KIF1A: variants seen among roughly 807,000 people sequenced by gnomAD.
KIF1A encodes kinesin-like protein KIF1A.
Under a neutral mutation model 227.3 loss-of-function variants are expected in KIF1A, and 46 were observed. The ratio of observed to expected loss-of-function variants is 0.20; its 90% CI spans 0.16 to 0.26. The LOEUF (loss-of-function observed/expected upper bound fraction) is 0.26, where lower values mean the gene tolerates loss of function less well. Among genes scored for constraint, KIF1A ranks in the 10% least tolerant of loss-of-function variants. The probability of loss-of-function intolerance (pLI) is 1.00; values close to 1 mark genes in which losing one functional copy is unlikely to be tolerated. For synonymous variants in KIF1A, 1,022 were observed against 1,012.8 expected, an observed-to-expected ratio of 1.01 and a Z score of -0.17; for missense variants, 1,683 against 2,485.9, an observed-to-expected ratio of 0.68 and a Z score of 6.87.
At chr2:240,819,069 C>T (rs2058527468) in intron 1 of KIF1A, 1 of 152,120 alleles carries the variant, frequency 6.6e-6, no homozygotes, top group Admixed American at 6.5e-5. Flanking sequence ...CCCCCTCCCG[C>T]CCCTGCGGCC....
chr2:240,818,991 G>A (rs2058519983), intron 1 of KIF1A: 1 of 152,418 alleles, frequency 6.6e-6, no homozygotes, highest in African/African-American at 2.4e-5. Context: ...GCGCGCATCG[G>A]GTCCGCGCCG....
chr2:240,744,065 T>C lies in KIF1A; in HGVS notation c.3466-5A>G. 1 of 1,601,656 alleles carries C rather than the reference T, an allele frequency of 6.2e-7. No individual in the cohort carries two copies. Among genetic ancestry groups the C allele is most frequent in the Non-Finnish European group, 8.6e-7 (1 of 1,168,832 alleles). On this transcript the variant is annotated splice_region_variant and splice_polypyrimidine_tract_variant and intron_variant, in intron 32 of 48. Transcript: ENST00000498729. ...CTTGGTCACCTCCACTGCGATCTGGTGGGCAGGCAGGTGGGAGGACAGGAG... is the reference window on the plus strand; with the variant it reads ...CTTGGTCACCTCCACTGCGATCTGGCGGGCAGGCAGGTGGGAGGACAGGAG...
chr2:240,741,486 G>A (rs2047960769), intron 34 of KIF1A, 109 bp from the exon 35 acceptor site: 2 of 785,896 alleles, frequency 2.5e-6, no homozygotes, highest in African/African-American at 1.8e-5. Context: ...GAGGCAGCAA[G>A]GGCACCTCCC....
intron 12 of KIF1A, among the ~76,000 whole-genome samples, chr2:240,773,794 C>T (rs968328576): frequency 1.3e-5 from 2 of 152,136 alleles, no homozygotes; most frequent in East Asian, 1.9e-4. Context: ...TGGCTAGGGG[C>T]CCAGGCTCCC....
intron 6 of KIF1A, 98 bp from the exon 7 acceptor site, chr2:240,785,198 G>T (rs2054576532): frequency 1.0e-6 from 1 of 998,772 alleles, no homozygotes; most frequent in Non-Finnish European, 1.5e-6. Context: ...ATCGGGGGGG[G>T]CAGTTCCCCC....
chr2:240,774,903 G>A (rs1230953761), intron 11 of KIF1A, among the ~76,000 whole-genome samples: 1 of 152,144 alleles, frequency 6.6e-6, no homozygotes, highest in African/African-American at 2.4e-5. Context: ...GTATCCTCAG[G>A]GCCATGTCCC....
chr2:240,728,695 G>C (rs1002376341), intron 38 of KIF1A, among the ~76,000 whole-genome samples: 1 of 152,194 alleles, frequency 6.6e-6, no homozygotes, highest in Non-Finnish European at 1.5e-5. Flanking sequence ...CCAGGACAAA[G>C]GCCTGGAGGG....
chr2:240,808,567 G>A (rs2057611181), intron 1 of KIF1A, among the ~76,000 whole-genome samples: 1 of 151,914 alleles, frequency 6.6e-6, no homozygotes, highest in Non-Finnish European at 1.5e-5. Context: ...AGCTCCTTGG[G>A]AGGCTGAGGT....
chr2:240,779,674 T>C (rs1205755534), intron 10 of KIF1A, among the ~76,000 whole-genome samples: 1 of 150,690 alleles, frequency 6.6e-6, no homozygotes, highest in African/African-American at 2.5e-5. Context: ...ACTCAGTTCC[T>C]CACAGTTCCA....
intron 14 of KIF1A, chr2:240,771,410 G>A (rs2051968051): frequency 2.3e-6 from 1 of 443,960 alleles, no homozygotes; most frequent in African/African-American, 2.0e-5. Context: ...CTGCCCCCCA[G>A]GCCTGCCCTC....
intron 11 of KIF1A, 23 bp from the exon 12 acceptor site, chr2:240,774,284 T>C (rs2052429993): frequency 6.4e-7 from 1 of 1,560,370 alleles, no homozygotes; most frequent in South Asian, 1.1e-5. Context: ...GACCAGGTTG[T>C]GCCCAGAGGG....
chr2:240,757,182 G>C lies in KIF1A; in HGVS notation c.2858+137C>G, dbSNP rs2049945928. On this transcript the variant is annotated intron_variant, in intron 27 of 48. Transcript: ENST00000498729. This position sits in a 1 kb window ranked among gnomAD's most constrained non-coding sequence, Gnocchi z 6.2. ...GGGGGCCCTCGGGTGCTCTCCTCAG[G>C]AGGCCAGCCCCTCCACCTGCCTCGC... 7 of 850,012 alleles carry C rather than the reference G, an allele frequency of 8.2e-6. No homozygotes were observed. The East Asian group carries it at 1.9e-4, about 23-fold the overall frequency. 52.7% of individuals were successfully genotyped at this position (850,012 alleles called of 1,614,324 possible).
At position 240,757,493 on chromosome 2, in the gene KIF1A, G is replaced by A; in HGVS notation, c.2684C>T (p.Ser895Phe). Residue 895 changes from serine to phenylalanine, a missense_variant, in exon 27 of 49, where the codon TCC (serine) becomes TTC (phenylalanine). Around this residue, in one of 12 missense-constraint regions of KIF1A, gnomAD observed 759 missense variants for 1,020.2 expected, o/e 0.74. Coordinates refer to ENST00000498729, the MANE Select transcript of KIF1A (RefSeq NM_001244008.2). This position sits in a 1 kb window ranked among gnomAD's most constrained non-coding sequence, Gnocchi z 6.2. Reference protein sequence around the residue: ...TPSPTFSSPDSDATEPAEEQS... With the variant: ...TPSPTFSSPDFDATEPAEEQS... Reference sequence around the variant, plus strand: ...CTCCTCGGCAGGCTCGGTGGCGTCGGAGTCGGGGCTCGAGAAGGTGGGGGA... The same window carrying A: ...CTCCTCGGCAGGCTCGGTGGCGTCGAAGTCGGGGCTCGAGAAGGTGGGGGA... 6.4e-7 allele frequency: 1 copy of A among 1,550,530 alleles called. No individual in the cohort carries two copies. Among genetic ancestry groups the A allele is most frequent in the East Asian group, 2.4e-5 (1 of 40,896 alleles).
chr2:240,819,380 G>A (rs1057233400), intron 1 of KIF1A, among the ~76,000 whole-genome samples: 3 of 152,170 alleles, frequency 2.0e-5, no homozygotes, highest in African/African-American at 7.2e-5. Flanking sequence ...TGAGACGCAG[G>A]CAGTGCTCGC....
intron 6 of KIF1A, among the ~76,000 whole-genome samples, chr2:240,785,480 G>T (rs1010040599): frequency 1.3e-5 from 2 of 152,190 alleles, no homozygotes; most frequent in African/African-American, 4.8e-5. Context: ...CCACACCCGC[G>T]GCTCTGGGAA....
chr2:240,762,894 C>T, intron 22 of KIF1A, 82 bp from the exon 23 acceptor site: 2 of 1,420,140 alleles, frequency 1.4e-6, no homozygotes, highest in Non-Finnish European at 1.9e-6. Flanking sequence ...TGGGCCTCAC[C>T]ACATCCCACT....
chr2:240,734,645 G>A (rs868507753), intron 38 of KIF1A: 49 of 1,131,920 alleles, frequency 4.3e-5, no homozygotes, highest in South Asian at 3.6e-4. Flanking sequence ...CATGGGGGGC[G>A]GTCAGGGGAG....
Position 240,792,686 on chromosome 2 carries a change from C to G in KIF1A, c.107-3374G>C, listed in dbSNP as rs532484475. ...CCAACGGAGCCTGCTGTGGGCCGAG[C>G]GTGTCCCCAGATTCATATGCAATGC... On this transcript the variant is annotated intron_variant, in intron 2 of 48. Transcript: ENST00000498729. This position sits in a 1 kb window ranked among gnomAD's most constrained non-coding sequence, Gnocchi z 4.5. Among the ~76,000 whole-genome samples the G allele has an allele frequency of 2.6e-5, 4 of 152,282 alleles. No individual in the cohort carries two copies. Among genetic ancestry groups the G allele is most frequent in the African/African-American group, 9.6e-5 (4 of 41,562 alleles).
chr2:240,762,840 C>T (rs771006568), intron 22 of KIF1A, 28 bp from the exon 23 acceptor site: 3 of 1,554,544 alleles, frequency 1.9e-6, no homozygotes, highest in East Asian at 2.4e-5. Flanking sequence ...TGTGACTCCA[C>T]TACGGCCCTA....
Sources: gnomAD v4.1 joint callset for allele counts (sites outside exome capture counted in the v4.1 genomes callset) on GRCh38, gnomAD v4.1.1 for gene constraint, gnomAD v4.1.1 regional missense constraint, Gnocchi (gnomAD v3.1) non-coding constraint, MANE v1.5 for transcripts, NCBI Gene and HGNC (gene_info 2026-07-23, HGNC 2026-07-21) for gene names.